B4GALT5: variants seen among roughly 807,000 people sequenced by gnomAD.
B4GALT5 encodes UDP-Gal:beta-GlcNAc beta-1,4-galactosyltransferase 5.
Under a neutral mutation model 45.0 loss-of-function variants are expected in B4GALT5, and 11 were observed. The ratio of observed to expected loss-of-function variants is 0.24; its 90% CI spans 0.15 to 0.40. B4GALT5 has a LOEUF of 0.40. B4GALT5 is among the 10% of genes least tolerant of loss of function. B4GALT5 has a pLI of 1.00. For missense variants in B4GALT5, 337 were observed against 500.2 expected, an observed-to-expected ratio of 0.67 and a Z score of 3.11; for synonymous variants, 185 against 182.9, an observed-to-expected ratio of 1.01 and a Z score of -0.09.
At chr20:49,688,353 G>T (rs2085795569) in intron 1 of B4GALT5, among the ~76,000 whole-genome samples, 1 of 152,130 alleles carries the variant, frequency 6.6e-6, no homozygotes, top group South Asian at 2.1e-4. Context: ...GGGGGACAAA[G>T]ATTAAAGTTC....
At chr20:49,692,782 T>C (rs1283093930) in intron 1 of B4GALT5, among the ~76,000 whole-genome samples, 1 of 152,182 alleles carries the variant, frequency 6.6e-6, no homozygotes, top group African/African-American at 2.4e-5. Context: ...ACTGTACATA[T>C]AATGTAAGTT....
intron 2 of B4GALT5, among the ~76,000 whole-genome samples, chr20:49,655,987 T>C (rs1470329635): frequency 6.6e-6 from 1 of 151,474 alleles, no homozygotes; most frequent in Non-Finnish European, 1.5e-5. Context: ...TATGCTATAG[T>C]TTAAATGTCT....
At chr20:49,663,675 G>GAA (rs869246702) in intron 1 of B4GALT5, among the ~76,000 whole-genome samples, 74 of 2,998 alleles carry the variant, frequency 0.025, no homozygotes, top group Non-Finnish European at 0.033. Flanking sequence ...TTCATCTCAA[G>GAA]AAAAAAAAAA....
At chr20:49,637,495 G>A (rs1029251489) in intron 7 of B4GALT5, 53 bp from the exon 8 acceptor site, 2 of 1,351,946 alleles carry the variant, frequency 1.5e-6, no homozygotes, top group African/African-American at 2.9e-5. Context: ...TAGCCCAGGA[G>A]TGACCAAAGC....
At chr20:49,698,301 G>A (rs1234776531) in intron 1 of B4GALT5, among the ~76,000 whole-genome samples, 2 of 151,252 alleles carry the variant, frequency 1.3e-5, no homozygotes, top group Admixed American at 6.6e-5. Context: ...CCGGCCTGGG[G>A]GACAGAGCAA....
chr20:49,649,838 G>C (rs2085613898), intron 2 of B4GALT5, among the ~76,000 whole-genome samples: 2 of 152,206 alleles, frequency 1.3e-5, no homozygotes, highest in Admixed American at 1.3e-4. Context: ...GCCTGTGTTT[G>C]TGATACGCCC....
At chr20:49,667,874 A>C (rs1337439583) in intron 1 of B4GALT5, among the ~76,000 whole-genome samples, 1 of 152,220 alleles carries the variant, frequency 6.6e-6, no homozygotes, top group East Asian at 1.9e-4. Context: ...ATCTGCTTAA[A>C]ATGCTGGATA....
chr20:49,703,458 C>A (rs2085871169), intron 1 of B4GALT5, among the ~76,000 whole-genome samples: 1 of 152,142 alleles, frequency 6.6e-6, no homozygotes, highest in Non-Finnish European at 1.5e-5. Flanking sequence ...TAAGTACATA[C>A]AACGTGCTGG....
chr20:49,666,014 A>C (rs1352129456), intron 1 of B4GALT5, among the ~76,000 whole-genome samples: 1 of 152,136 alleles, frequency 6.6e-6, no homozygotes, highest in Non-Finnish European at 1.5e-5. Context: ...TTGATTCTGA[A>C]AGCCACGACA....
intron 6 of B4GALT5, among the ~76,000 whole-genome samples, chr20:49,640,240 A>G (rs941039184): frequency 1.3e-5 from 2 of 152,144 alleles, no homozygotes; most frequent in Non-Finnish European, 2.9e-5. Flanking sequence ...ATGATACACA[A>G]CCTTTGTGTC....
intron 1 of B4GALT5, among the ~76,000 whole-genome samples, chr20:49,676,628 AC>A (rs1397314226): frequency 2.0e-5 from 3 of 152,224 alleles, no homozygotes; most frequent in Admixed American, 2.0e-4. Flanking sequence ...GCTCTTGGCT[AC>A]TGCGCAGGGG....
At chr20:49,665,035 G>A (rs1452476364) in intron 1 of B4GALT5, among the ~76,000 whole-genome samples, 1 of 152,184 alleles carries the variant, frequency 6.6e-6, no homozygotes, top group Admixed American at 6.5e-5. Flanking sequence ...GTGGCTTACT[G>A]TTCTGCTGGA....
At chr20:49,712,706 G>A (rs1333690971) in intron 1 of B4GALT5, among the ~76,000 whole-genome samples, 7 of 151,972 alleles carry the variant, frequency 4.6e-5, no homozygotes, top group Non-Finnish European at 1.0e-4. Flanking sequence ...GGCTAGGAGA[G>A]GGCAGAAGTG....
At chr20:49,702,146 A>G (rs2085864679) in intron 1 of B4GALT5, among the ~76,000 whole-genome samples, 1 of 152,238 alleles carries the variant, frequency 6.6e-6, no homozygotes, top group Non-Finnish European at 1.5e-5. Context: ...TCATTCCTGT[A>G]TGGCAAAAAA....
chr20:49,677,460 CT>C (rs1009789660), intron 1 of B4GALT5, among the ~76,000 whole-genome samples: 1 of 152,168 alleles, frequency 6.6e-6, no homozygotes, highest in Admixed American at 6.5e-5. Context: ...TTTTTATCCC[CT>C]TTCACACCAT....
At chr20:49,702,426 G>A (rs983089511) in intron 1 of B4GALT5, among the ~76,000 whole-genome samples, 14 of 152,084 alleles carry the variant, frequency 9.2e-5, no homozygotes, top group South Asian at 2.1e-4. Flanking sequence ...CAAAAAATTA[G>A]GTAAATTGGG....
intron 7 of B4GALT5, among the ~76,000 whole-genome samples, chr20:49,637,981 G>A (rs1158618504): frequency 6.6e-6 from 1 of 151,444 alleles, no homozygotes. Flanking sequence ...GAATAAAATA[G>A]AATCAAAATG....
intron 1 of B4GALT5, among the ~76,000 whole-genome samples, chr20:49,696,183 TACTC>T (rs2085838929): frequency 6.6e-6 from 1 of 152,226 alleles, no homozygotes; most frequent in Admixed American, 6.5e-5. Flanking sequence ...ATTCAAAGTT[TACTC>T]ACTCTTGACA....
intron 7 of B4GALT5, among the ~76,000 whole-genome samples, chr20:49,638,625 G>T (rs909185590): frequency 6.6e-6 from 1 of 151,988 alleles, no homozygotes. Flanking sequence ...AGAGAACACT[G>T]GTGAAGTGAA....
Sources: gnomAD v4.1 joint callset for allele counts (sites outside exome capture counted in the v4.1 genomes callset) on GRCh38, gnomAD v4.1.1 for gene constraint, MANE v1.5 for transcripts, NCBI Gene and HGNC (gene_info 2026-07-23, HGNC 2026-07-21) for gene names.